SEPTIN14: variants seen among roughly 807,000 people sequenced by gnomAD.
SEPTIN14 encodes the protein septin 14.
Under a neutral mutation model 53.6 loss-of-function variants are expected in SEPTIN14, and 40 were observed. The ratio of observed to expected loss-of-function variants is 0.75; its 90% confidence interval spans 0.58 to 0.97. The LOEUF (loss-of-function observed/expected upper bound fraction) is 0.97, where lower values mean the gene tolerates loss of function less well. SEPTIN14 is among the 50% of genes least tolerant of loss of function. The probability of loss-of-function intolerance (pLI) is 0.00; values close to 1 mark genes in which losing one functional copy is unlikely to be tolerated. For synonymous variants in SEPTIN14, 138 were observed against 166.8 expected (o/e 0.83, Z 1.33); for missense variants, 471 against 508.2 (o/e 0.93, Z 0.70).
At chr7:55,835,656 C>T (rs541037900) in intron 5 of SEPTIN14, among the ~76,000 whole-genome samples, 84 of 152,170 alleles carry the variant, frequency 5.5e-4, no homozygotes, top group Admixed American at 1.4e-3. Flanking sequence ...CATTTTCACT[C>T]TCTTGCCCCG....
chr7:55,840,527 T>C (rs1789291105), intron 5 of SEPTIN14, among the ~76,000 whole-genome samples: 1 of 151,618 alleles, frequency 6.6e-6, no homozygotes, highest in Non-Finnish European at 1.5e-5. Flanking sequence ...CCGGAGACAC[T>C]AGGAAAAACA....
chr7:55,840,955 A>G (rs971264167), intron 5 of SEPTIN14, among the ~76,000 whole-genome samples: 2 of 152,196 alleles, frequency 1.3e-5, no homozygotes, highest in African/African-American at 2.4e-5. Context: ...GCTGGAGTGC[A>G]GTGGCGCAAT....
chr7:55,831,662 AAC>A, intron 6 of SEPTIN14, among the ~76,000 whole-genome samples: 1 of 152,338 alleles, frequency 6.6e-6, no homozygotes, highest in East Asian at 1.9e-4. Context: ...AGAAATAATC[AAC>A]AGAGTAAACA....
chr7:55,796,808 G>A (rs1407418592), intron 9 of SEPTIN14, among the ~76,000 whole-genome samples: 1 of 151,978 alleles, frequency 6.6e-6, no homozygotes, highest in East Asian at 1.9e-4. Flanking sequence ...TCCAGTGAGA[G>A]GACAAAGAAA....
At chr7:55,837,123 T>TTGAGA (rs1554330764) in intron 5 of SEPTIN14, among the ~76,000 whole-genome samples, 215 of 148,856 alleles carry the variant, frequency 1.4e-3, no homozygotes, top group African/African-American at 5.1e-3. Context: ...TTTTTTTTTT[T>TTGAGA]GAGAGAGAGA....
chr7:55,811,106 T>C (rs776107803), intron 7 of SEPTIN14: 8 of 468,112 alleles, frequency 1.7e-5, no homozygotes, highest in Admixed American at 1.2e-4. Flanking sequence ...TCAGGGGTGT[T>C]TGAATAGCTC....
chr7:55,843,935 C>T (rs1057025100), intron 4 of SEPTIN14, among the ~76,000 whole-genome samples: 12 of 152,254 alleles, frequency 7.9e-5, no homozygotes, highest in Admixed American at 7.2e-4. Context: ...AGGAGTTTGA[C>T]ACCAGCCTGG....
At chr7:55,859,382 T>G (rs1272076324) in intron 2 of SEPTIN14, among the ~76,000 whole-genome samples, 1 of 152,182 alleles carries the variant, frequency 6.6e-6, no homozygotes, top group Non-Finnish European at 1.5e-5. Context: ...TATGTCCTCT[T>G]GGTGCCCTTT....
At chr7:55,815,852 T>C (rs1419405516) in intron 7 of SEPTIN14, among the ~76,000 whole-genome samples, 1 of 152,148 alleles carries the variant, frequency 6.6e-6, no homozygotes, top group Non-Finnish European at 1.5e-5. Context: ...AGTAGGTGTA[T>C]ACCCAGAAGA....
chr7:55,836,666 A>G (rs1789214362), intron 5 of SEPTIN14, among the ~76,000 whole-genome samples: 1 of 152,158 alleles, frequency 6.6e-6, no homozygotes, highest in African/African-American at 2.4e-5. Context: ...TGAACCCAGG[A>G]GGCAGAGGTT....
rs564890055 is a variant in SEPTIN14, at chr7:55,859,017, G to C, written c.54+2926C>G. ...GCCTCCAAAATTAGCTGGGCATGGT[G>C]GTGGGCTCCTATAATCCCAGCTACT... On this transcript the variant is annotated intron_variant, in intron 2 of 9. Transcript: ENST00000388975. 1.5e-3 allele frequency among the ~76,000 whole-genome samples: 231 copies of C among 151,934 alleles called. 1 individual carries two copies. The highest frequency in any genetic ancestry group is 5.3e-3 in the African/African-American group (219 of 41,432).
intron 5 of SEPTIN14, among the ~76,000 whole-genome samples, chr7:55,841,461 G>T (rs1298535773): frequency 1.3e-5 from 2 of 151,960 alleles, no homozygotes; most frequent in African/African-American, 2.4e-5. Flanking sequence ...AAGGCTGGGC[G>T]CAGTGGTTCA....
At chr7:55,818,163 T>C (rs1346143023) in intron 7 of SEPTIN14, among the ~76,000 whole-genome samples, 3 of 152,152 alleles carry the variant, frequency 2.0e-5, no homozygotes, top group Non-Finnish European at 2.9e-5. Flanking sequence ...TTTTCTAATA[T>C]GTCAATTTTT....
intron 6 of SEPTIN14, among the ~76,000 whole-genome samples, chr7:55,821,850 C>T (rs778594358): frequency 9.2e-5 from 14 of 152,198 alleles, no homozygotes; most frequent in East Asian, 3.9e-4. Context: ...TCTGTTTTAA[C>T]GCTACTGATA....
intron 6 of SEPTIN14, among the ~76,000 whole-genome samples, chr7:55,829,875 AC>A (rs1789065373): frequency 6.6e-6 from 1 of 150,766 alleles, no homozygotes; most frequent in Non-Finnish European, 1.5e-5. Flanking sequence ...ACAAAAGTAA[AC>A]TAAAAGACTT....
At chr7:55,840,769 A>G (rs113572013) in intron 5 of SEPTIN14, among the ~76,000 whole-genome samples, 3 of 152,324 alleles carry the variant, frequency 2.0e-5, no homozygotes, top group African/African-American at 7.2e-5. Context: ...ATATATACAT[A>G]TATTACAAAA....
At chr7:55,847,137 G>T (rs770266668) in intron 2 of SEPTIN14, among the ~76,000 whole-genome samples, 25 of 152,116 alleles carry the variant, frequency 1.6e-4, no homozygotes, top group Non-Finnish European at 2.4e-4. Context: ...CAACCCGGGA[G>T]GGGGAGGTTG....
intron 5 of SEPTIN14, among the ~76,000 whole-genome samples, chr7:55,839,096 GA>G (rs1164704093): frequency 6.6e-6 from 1 of 151,954 alleles, no homozygotes; most frequent in Non-Finnish European, 1.5e-5. Context: ...AGTATAATAA[GA>G]TATTTTGAGG....
At chr7:55,810,024 G>A (rs1788674544) in intron 7 of SEPTIN14, among the ~76,000 whole-genome samples, 1 of 151,878 alleles carries the variant, frequency 6.6e-6, no homozygotes, top group Non-Finnish European at 1.5e-5. Context: ...AGTAGAGACA[G>A]GGTTTCACCG....
Sources: allele counts gnomAD v4.1 joint callset (sites outside exome capture counted in the v4.1 genomes callset), GRCh38; gene constraint gnomAD v4.1.1; transcripts MANE v1.5; gene names NCBI Gene and HGNC (gene_info 2026-07-23, HGNC 2026-07-21).